Variants in CDYL2 observed in about 807,000 individuals in gnomAD.
CDYL2 encodes chromodomain Y-like protein 2.
CDYL2 carries 23 observed loss-of-function variants against 49.4 expected under a neutral mutation model. The observed-to-expected ratio is 0.47, with a 90% confidence interval of 0.34 to 0.66. The LOEUF (loss-of-function observed/expected upper bound fraction) is 0.66. CDYL2 is among the 30% of genes least tolerant of loss of function. The pLI is 0.01. For synonymous variants in CDYL2, 360 were observed against 268.8 expected, an observed-to-expected ratio of 1.34 and a Z score of -3.32; for missense variants, 678 against 656.4, an observed-to-expected ratio of 1.03 and a Z score of -0.36.
In CDYL2 at chr16:80,604,290, G is replaced by T. The variant is rs1303296968; in HGVS notation, c.*98C>A. 7.5e-6 allele frequency: 10 copies of T among 1,336,230 alleles called. No homozygotes were observed. The highest frequency in any genetic ancestry group is 2.3e-5 in the East Asian group (1 of 43,580). 82.8% of individuals were successfully genotyped at this position (1,336,230 alleles called of 1,614,324 possible). ...ATGGACACAACCCTACGTATAAAGA[G>T]ACACCTTGACAAACTCCTTGGCCGG... On this transcript the variant is annotated 3_prime_UTR_variant, in exon 7 of 7. Transcript: ENST00000570137.
chr16:80,742,451 AGGATGGATGCAT>A (rs1237453239), intron 1 of CDYL2: 3 of 121,008 alleles, frequency 2.5e-5, no homozygotes, highest in African/African-American at 9.1e-5. Flanking sequence ...GGATGGATGG[AGGATGGATGCAT>A]GGATGGATGG....
intron 1 of CDYL2, among the ~76,000 whole-genome samples, chr16:80,743,830 T>A (rs1905833650): frequency 6.6e-6 from 1 of 152,154 alleles, no homozygotes; most frequent in Non-Finnish European, 1.5e-5. Context: ...GAAAGCAACA[T>A]CCTGGTCTCC....
intron 1 of CDYL2, among the ~76,000 whole-genome samples, chr16:80,737,399 T>C (rs1457836660): frequency 6.6e-6 from 1 of 152,112 alleles, no homozygotes. Flanking sequence ...ATTTTGCAGA[T>C]TCAGGGGTTA....
rs919942053 is a variant in CDYL2, at chr16:80,604,284, TAAAG to T, written c.*100_*103del. 114 of 1,293,388 alleles carry T rather than the reference TAAAG, an allele frequency of 8.8e-5. No homozygotes were observed. Among genetic ancestry groups the T allele is most frequent in the Non-Finnish European group, 1.2e-4 (113 of 913,422 alleles). The allele number at this position is 1,293,388 out of a possible 1,614,324, so 80.1% of individuals were successfully genotyped here. A position where few individuals can be genotyped will look rare whatever the true frequency, so the allele number is the denominator to read the frequency against. ...GAGGAAATGGACACAACCCTACGTA[TAAAG>T]AGACACCTTGACAAACTCCTTGGCC... On this transcript the variant is annotated 3_prime_UTR_variant, in exon 7 of 7. Coordinates refer to ENST00000570137, the MANE Select transcript of CDYL2 (RefSeq NM_152342.4).
intron 3 of CDYL2, among the ~76,000 whole-genome samples, chr16:80,628,920 G>A (rs1016290186): frequency 6.6e-6 from 1 of 152,214 alleles, no homozygotes; most frequent in South Asian, 2.1e-4. Flanking sequence ...ACTTGTGCAA[G>A]TGATGGGTGA....
intron 3 of CDYL2, among the ~76,000 whole-genome samples, chr16:80,622,902 C>A (rs1402671376): frequency 6.6e-6 from 1 of 152,164 alleles, no homozygotes; most frequent in Non-Finnish European, 1.5e-5. Context: ...AGAGCACTTG[C>A]CCATGAGTAC....
At chr16:80,766,215 C>T (rs578130906) in intron 1 of CDYL2, among the ~76,000 whole-genome samples, 10 of 151,542 alleles carry the variant, frequency 6.6e-5, no homozygotes, top group South Asian at 2.1e-4. Context: ...TAAAAACTAC[C>T]GAATTGCATA....
intron 4 of CDYL2, among the ~76,000 whole-genome samples, chr16:80,613,959 G>A (rs866867573): frequency 3.3e-5 from 5 of 152,286 alleles, no homozygotes; most frequent in South Asian, 2.1e-4. Flanking sequence ...TGAGCCACAT[G>A]GGCCTCTGAG....
At chr16:80,683,410 A>T (rs1192896964) in intron 2 of CDYL2, among the ~76,000 whole-genome samples, 2 of 152,238 alleles carry the variant, frequency 1.3e-5, no homozygotes, top group Admixed American at 1.3e-4. Flanking sequence ...GGGCAATGTG[A>T]CCACACAGGA....
intron 4 of CDYL2, among the ~76,000 whole-genome samples, chr16:80,615,712 T>C (rs1028682199): frequency 3.3e-5 from 5 of 152,088 alleles, no homozygotes; most frequent in African/African-American, 7.2e-5. Flanking sequence ...CTGAGATCCA[T>C]GAAACGGAAT....
chr16:80,782,688 C>T (rs755821492), intron 1 of CDYL2, among the ~76,000 whole-genome samples: 1 of 151,208 alleles, frequency 6.6e-6, no homozygotes, highest in Non-Finnish European at 1.5e-5. Context: ...AAGGGTGGCT[C>T]GAAACATGAA....
chr16:80,767,690 G>A (rs1906771618), intron 1 of CDYL2, among the ~76,000 whole-genome samples: 2 of 152,208 alleles, frequency 1.3e-5, no homozygotes, highest in Non-Finnish European at 2.9e-5. Context: ...ATAAAAGCAC[G>A]TGTCTATGCA....
chr16:80,751,233 C>CT (rs1480677933), intron 1 of CDYL2, among the ~76,000 whole-genome samples: 1 of 152,154 alleles, frequency 6.6e-6, no homozygotes, highest in East Asian at 1.9e-4. Context: ...ACCAATGTCC[C>CT]TGCCAAGAGG....
chr16:80,744,280 T>C (rs1905851248), intron 1 of CDYL2, among the ~76,000 whole-genome samples: 1 of 152,152 alleles, frequency 6.6e-6, no homozygotes, highest in Admixed American at 6.5e-5. Flanking sequence ...TCCCTAGGCC[T>C]GCTCCTCTTT....
intron 1 of CDYL2, among the ~76,000 whole-genome samples, chr16:80,748,717 A>G (rs956727532): frequency 7.2e-5 from 11 of 151,964 alleles, no homozygotes; most frequent in Admixed American, 2.6e-4. Flanking sequence ...CATCTGGCCC[A>G]ACACCACAAC....
At chr16:80,631,243 G>C (rs74340683) in intron 3 of CDYL2, among the ~76,000 whole-genome samples, 3 of 152,234 alleles carry the variant, frequency 2.0e-5, no homozygotes, top group Admixed American at 6.5e-5. Context: ...GGGAGGTGAC[G>C]AAATGACATG....
At chr16:80,677,104 G>A (rs1418053781) in intron 2 of CDYL2, among the ~76,000 whole-genome samples, 1 of 151,566 alleles carries the variant, frequency 6.6e-6, no homozygotes, top group Non-Finnish European at 1.5e-5. Context: ...CTGGAAAGCT[G>A]GGACTACAGG....
intron 1 of CDYL2, among the ~76,000 whole-genome samples, chr16:80,703,500 A>T (rs988641798): frequency 9.2e-5 from 14 of 152,246 alleles, no homozygotes; most frequent in Admixed American, 2.6e-4. Context: ...TCTAATGTGC[A>T]CTAGACCAAA....
intron 1 of CDYL2, among the ~76,000 whole-genome samples, chr16:80,695,074 G>A (rs1209552001): frequency 3.9e-5 from 6 of 152,262 alleles, no homozygotes; most frequent in Admixed American, 3.9e-4. Flanking sequence ...ATAAACAGGT[G>A]AATTAATCAG....
Sources: gnomAD v4.1 joint callset for allele counts (sites outside exome capture counted in the v4.1 genomes callset) on GRCh38, gnomAD v4.1.1 for gene constraint, MANE v1.5 for transcripts, NCBI Gene and HGNC (gene_info 2026-07-23, HGNC 2026-07-21) for gene names.